Variants in SHISA6 observed in about 807,000 individuals in gnomAD.
SHISA6 encodes protein shisa-6.
SHISA6 carries 22 observed loss-of-function variants against 47.9 expected under a neutral mutation model. That is an observed-to-expected ratio of 0.46 (90% CI 0.33 to 0.66). SHISA6 has a LOEUF of 0.66. SHISA6 is among the 30% of genes least tolerant of loss of function. SHISA6 has a pLI of 0.02. For missense variants in SHISA6, 680 were observed against 764.6 expected (o/e 0.89, Z 1.30); for synonymous variants, 388 against 337.8 (o/e 1.15, Z -1.63).
chr17:11,319,690 A>G (rs1486643538), intron 2 of SHISA6, among the ~76,000 whole-genome samples: 1 of 152,236 alleles, frequency 6.6e-6, no homozygotes, highest in East Asian at 1.9e-4. Context: ...GATTATTCAA[A>G]TTCTTCTAAT....
intron 3 of SHISA6, among the ~76,000 whole-genome samples, chr17:11,497,064 G>A (rs1487454023): frequency 6.6e-6 from 1 of 152,152 alleles, no homozygotes; most frequent in Non-Finnish European, 1.5e-5. Flanking sequence ...CACTGTAGTG[G>A]GGGGACCCCC....
At chr17:11,367,841 C>G (rs569707573) in intron 2 of SHISA6, among the ~76,000 whole-genome samples, 1 of 152,294 alleles carries the variant, frequency 6.6e-6, no homozygotes, top group South Asian at 2.1e-4. Flanking sequence ...GCATTACAGT[C>G]TGAAAAATAG....
chr17:11,509,413 C>G (rs751451817), intron 3 of SHISA6, among the ~76,000 whole-genome samples: 1 of 152,226 alleles, frequency 6.6e-6, no homozygotes, highest in Non-Finnish European at 1.5e-5. Context: ...TCATTTGAGG[C>G]TCAGCACAAC....
chr17:11,293,755 A>C (rs898801391), intron 2 of SHISA6, among the ~76,000 whole-genome samples: 4 of 152,204 alleles, frequency 2.6e-5, no homozygotes, highest in African/African-American at 9.6e-5. Context: ...GGATAAGCAC[A>C]CCAACCTCAT....
intron 2 of SHISA6, among the ~76,000 whole-genome samples, chr17:11,305,947 TAGTC>T (rs1438074770): frequency 1.3e-5 from 2 of 152,078 alleles, no homozygotes; most frequent in South Asian, 2.1e-4. Context: ...TTCACTGTCA[TAGTC>T]AGCGCCTCTG....
At chr17:11,530,943 C>T (rs989152922) in intron 3 of SHISA6, among the ~76,000 whole-genome samples, 2 of 152,158 alleles carry the variant, frequency 1.3e-5, no homozygotes, top group African/African-American at 4.8e-5. Context: ...CTTTCTTCCC[C>T]ATAGGCAGTA....
chr17:11,506,846 C>T (rs150740542), intron 3 of SHISA6, among the ~76,000 whole-genome samples: 1 of 152,210 alleles, frequency 6.6e-6, no homozygotes, highest in African/African-American at 2.4e-5. Context: ...AGCACCGTCG[C>T]CCCAACTGAC....
chr17:11,326,741 A>T (rs902301915), intron 2 of SHISA6, among the ~76,000 whole-genome samples: 1 of 152,214 alleles, frequency 6.6e-6, no homozygotes, highest in Admixed American at 6.5e-5. Context: ...CCTTGGAGGC[A>T]TAGATTGAAC....
intron 2 of SHISA6, among the ~76,000 whole-genome samples, chr17:11,320,301 G>C (rs149179710): frequency 7.0e-4 from 107 of 152,236 alleles, no homozygotes; most frequent in African/African-American, 2.4e-3. Flanking sequence ...GGAAGCAATA[G>C]GTCTTAATTC....
At chr17:11,433,120 T>C (rs959568195) in intron 3 of SHISA6, among the ~76,000 whole-genome samples, 13 of 152,196 alleles carry the variant, frequency 8.5e-5, no homozygotes, top group Non-Finnish European at 1.0e-4. Flanking sequence ...CTGGGGTACA[T>C]GCGCAGAATG....
At chr17:11,514,995 G>A (rs2071571042) in intron 3 of SHISA6, among the ~76,000 whole-genome samples, 1 of 152,106 alleles carries the variant, frequency 6.6e-6, no homozygotes, top group Non-Finnish European at 1.5e-5. Context: ...CTTCCCAGGG[G>A]TACAAGGGGC....
At chr17:11,338,474 T>A (rs1249912138) in intron 2 of SHISA6, among the ~76,000 whole-genome samples, 1 of 152,188 alleles carries the variant, frequency 6.6e-6, no homozygotes, top group East Asian at 1.9e-4. Context: ...TGATCTCGGC[T>A]CACTGCAACC....
In SHISA6 at chr17:11,282,378, G is replaced by C. The variant is rs912733435; in HGVS notation, c.799+18852G>C. Among the ~76,000 whole-genome samples the C allele has an allele frequency of 4.6e-5, 7 of 150,868 alleles. No individual in the cohort carries two copies. In the East Asian group the frequency reaches 1.4e-3, roughly 30 times the overall value. On this transcript the variant is annotated intron_variant, in intron 2 of 5. Coordinates refer to ENST00000441885, the MANE Select transcript of SHISA6 (RefSeq NM_207386.4). ...GAAGGGGCAAGAGAGCAAAGGATTTGGACTAGATACGTGGTATTTCTTCTT... is the reference window on the plus strand; with the variant it reads ...GAAGGGGCAAGAGAGCAAAGGATTTCGACTAGATACGTGGTATTTCTTCTT...
chr17:11,325,684 G>GCAAAATAAT (rs1429942031), intron 2 of SHISA6, among the ~76,000 whole-genome samples: 52 of 140,308 alleles, frequency 3.7e-4, no homozygotes, highest in Non-Finnish European at 3.3e-4. Flanking sequence ...TTGCAGGAAA[G>GCAAAATAAT]TGTGCCATGT....
At chr17:11,321,280 C>G (rs9909070) in intron 2 of SHISA6, among the ~76,000 whole-genome samples, 25,157 of 152,108 alleles carry the variant, frequency 0.17, 2,851 homozygotes, top group African/African-American at 0.32. Flanking sequence ...AGTTTCTGTT[C>G]ATACCTCTAC....
intron 3 of SHISA6, among the ~76,000 whole-genome samples, chr17:11,529,076 C>T (rs1433589566): frequency 6.6e-6 from 1 of 151,688 alleles, no homozygotes; most frequent in African/African-American, 2.4e-5. Flanking sequence ...GCCTGTAGTC[C>T]CAGCTACTCA....
chr17:11,519,393 A>G (rs2071610455), intron 3 of SHISA6, among the ~76,000 whole-genome samples: 1 of 152,218 alleles, frequency 6.6e-6, no homozygotes, highest in Admixed American at 6.5e-5. Context: ...GTCACAAAAG[A>G]ACAAAAATTC....
Position 11,263,635 on chromosome 17 carries a change from T to G in SHISA6, c.799+109T>G, listed in dbSNP as rs1597428759. On this transcript the variant is annotated intron_variant, in intron 2 of 5. Transcript: ENST00000441885. ...GGACCATGATGGTGTGATGAGGGAC[T>G]CTCATGGACAGGCAGGCTGGCAAAA... 12 of 1,364,230 alleles carry G rather than the reference T, an allele frequency of 8.8e-6. No homozygotes were observed. The East Asian group carries it at 3.0e-4, about 34-fold the overall frequency. The allele number at this position is 1,364,230 out of a possible 1,614,324, so 84.5% of individuals were successfully genotyped here.
At chr17:11,372,473 T>G (rs1417876076) in intron 2 of SHISA6, among the ~76,000 whole-genome samples, 1 of 152,220 alleles carries the variant, frequency 6.6e-6, no homozygotes, top group Admixed American at 6.5e-5. Flanking sequence ...TTTTCTTAAT[T>G]GGGAGTTAAG....
Sources: gnomAD v4.1 joint callset for allele counts (sites outside exome capture counted in the v4.1 genomes callset) on GRCh38, gnomAD v4.1.1 for gene constraint, MANE v1.5 for transcripts, NCBI Gene and HGNC (gene_info 2026-07-23, HGNC 2026-07-21) for gene names.